IGSF21: variants seen among roughly 807,000 people sequenced by gnomAD.
IGSF21 encodes the protein immunoglobin superfamily member 21, also known as immunoglobulin superfamily member 21.
IGSF21 carries 28 observed loss-of-function variants against 46.8 expected under a neutral mutation model. The observed-to-expected ratio is 0.60, with a 90% CI of 0.44 to 0.82. The LOEUF (loss-of-function observed/expected upper bound fraction) is 0.82. Ranked by LOEUF, IGSF21 falls within the 40% of genes least tolerant of loss-of-function variation. The pLI, the probability that IGSF21 is intolerant of heterozygous loss-of-function variation, is 0.00. For synonymous variants in IGSF21, 284 were observed against 273.6 expected (o/e 1.04, Z -0.38); for missense variants, 624 against 665.5 (o/e 0.94, Z 0.69).
chr1:18,201,354 C>T (rs2087072547), intron 1 of IGSF21, among the ~76,000 whole-genome samples: 1 of 152,202 alleles, frequency 6.6e-6, no homozygotes. Flanking sequence ...GATTGTGGAA[C>T]TGAGACATGG....
intron 1 of IGSF21, among the ~76,000 whole-genome samples, chr1:18,147,712 G>A (rs559866392): frequency 6.6e-6 from 1 of 152,240 alleles, no homozygotes; most frequent in Admixed American, 6.5e-5. Flanking sequence ...ATGGTTCTAG[G>A]TTTGCATATA....
At chr1:18,241,355 T>C (rs1199171604) in intron 2 of IGSF21, among the ~76,000 whole-genome samples, 1 of 152,074 alleles carries the variant, frequency 6.6e-6, no homozygotes, top group Non-Finnish European at 1.5e-5. Context: ...TATGCACCCA[T>C]AAGTGAAGAT....
chr1:18,126,344 G>T (rs1255297965), intron 1 of IGSF21, among the ~76,000 whole-genome samples: 1 of 152,190 alleles, frequency 6.6e-6, no homozygotes, highest in Non-Finnish European at 1.5e-5. Context: ...GGCCATCTGG[G>T]CTGGGGGAGG....
chr1:18,303,726 T>C (rs1263051889), intron 3 of IGSF21, among the ~76,000 whole-genome samples: 1 of 152,228 alleles, frequency 6.6e-6, no homozygotes, highest in Non-Finnish European at 1.5e-5. Context: ...GACAGGTAAG[T>C]TCTCTGTCCC....
At chr1:18,371,401 G>A (rs1160292627) in intron 6 of IGSF21, among the ~76,000 whole-genome samples, 8 of 151,912 alleles carry the variant, frequency 5.3e-5, no homozygotes, top group African/African-American at 1.7e-4. Flanking sequence ...GTGAAACCTC[G>A]GCTCTACTGA....
intron 4 of IGSF21, among the ~76,000 whole-genome samples, chr1:18,344,925 G>C (rs550145925): frequency 6.6e-6 from 1 of 152,280 alleles, no homozygotes; most frequent in Admixed American, 6.5e-5. Flanking sequence ...TGCTCCACAG[G>C]GGAAGCGAGG....
intron 2 of IGSF21, among the ~76,000 whole-genome samples, chr1:18,263,427 G>C (rs2084964421): frequency 6.6e-6 from 1 of 151,840 alleles, no homozygotes; most frequent in African/African-American, 2.4e-5. Flanking sequence ...CAGTGTAACG[G>C]GTCCAGTTTT....
intron 1 of IGSF21, among the ~76,000 whole-genome samples, chr1:18,217,290 C>T (rs11260958): frequency 0.34 from 52,023 of 152,084 alleles, 9,379 homozygotes; most frequent in East Asian, 0.51. Flanking sequence ...CAGACATACC[C>T]GCTGCCCCCT....
chr1:18,322,729 C>T lies in IGSF21; in HGVS notation c.306-12163C>T, dbSNP rs180877122. On this transcript the variant is annotated intron_variant, in intron 3 of 9. Coordinates refer to ENST00000251296, the MANE Select transcript of IGSF21 (RefSeq NM_032880.5). This position sits in a 1 kb window ranked among gnomAD's most constrained non-coding sequence, Gnocchi z 4.3. ...CTCCCGCCCCTGCCCACCCCTGAACCCAGAGCCTGAGTCCAACAGGCTGAC... is the reference window on the plus strand; with the variant it reads ...CTCCCGCCCCTGCCCACCCCTGAACTCAGAGCCTGAGTCCAACAGGCTGAC... Among the ~76,000 whole-genome samples, 9 of 151,556 alleles carry T rather than the reference C, an allele frequency of 5.9e-5. No homozygotes were observed. The East Asian group carries it at 1.8e-3, about 30-fold the overall frequency.
intron 1 of IGSF21, among the ~76,000 whole-genome samples, chr1:18,141,387 A>G (rs2086414106): frequency 6.6e-6 from 1 of 152,226 alleles, no homozygotes; most frequent in Non-Finnish European, 1.5e-5. Context: ...AAGCAAGAGA[A>G]GCTGCAGTCA....
At chr1:18,197,109 G>A (rs539635324) in intron 1 of IGSF21, among the ~76,000 whole-genome samples, 19 of 152,358 alleles carry the variant, frequency 1.2e-4, no homozygotes, top group African/African-American at 3.4e-4. Context: ...CTGAAAGGAG[G>A]TGACGTGCTC....
chr1:18,359,338 AAAAGAAAGAAAG>A (rs1173594584), intron 4 of IGSF21, among the ~76,000 whole-genome samples: 354 of 35,306 alleles, frequency 0.01, 8 homozygotes, highest in Admixed American at 0.047. Context: ...AAGAGAAAGA[AAAAGAAAGAAAG>A]AAAGAAAGAA....
At chr1:18,213,501 G>C (rs1001164541) in intron 1 of IGSF21, among the ~76,000 whole-genome samples, 9 of 152,204 alleles carry the variant, frequency 5.9e-5, no homozygotes, top group African/African-American at 1.9e-4. Flanking sequence ...AATGGAGAGA[G>C]AGGGTGTGCA....
At chr1:18,178,947 C>T (rs79291157) in intron 1 of IGSF21, 30,815 of 152,096 alleles carry the variant, frequency 0.2, 3,987 homozygotes, top group Non-Finnish European at 0.3. Flanking sequence ...CAGAAGCCTC[C>T]GACAGCTGAG....
chr1:18,248,946 G>C (rs2084810589), intron 2 of IGSF21, among the ~76,000 whole-genome samples: 1 of 152,124 alleles, frequency 6.6e-6, no homozygotes, highest in African/African-American at 2.4e-5. Flanking sequence ...CTTCGCAGGG[G>C]AAGAAAAGTA....
chr1:18,144,576 C>T (rs1248604929), intron 1 of IGSF21, among the ~76,000 whole-genome samples: 1 of 152,142 alleles, frequency 6.6e-6, no homozygotes, highest in African/African-American at 2.4e-5. Flanking sequence ...GTCCTCCAGT[C>T]CCCTGAAGAT....
chr1:18,228,480 G>A (rs569821561), intron 2 of IGSF21, among the ~76,000 whole-genome samples: 2 of 152,280 alleles, frequency 1.3e-5, no homozygotes, highest in South Asian at 4.2e-4. Flanking sequence ...CCTGGTGTCT[G>A]GCACCATCTG....
chr1:18,116,390 C>A (rs2086190435), intron 1 of IGSF21, among the ~76,000 whole-genome samples: 2 of 152,220 alleles, frequency 1.3e-5, no homozygotes, highest in Admixed American at 1.3e-4. Context: ...CACTTCCTAA[C>A]AAAGTATCCT....
chr1:18,116,676 C>T (rs758256039), intron 1 of IGSF21, among the ~76,000 whole-genome samples: 2 of 152,188 alleles, frequency 1.3e-5, no homozygotes, highest in Admixed American at 6.5e-5. Flanking sequence ...AGAGACCTCT[C>T]GGGGAGTTTC....
Sources: allele counts gnomAD v4.1 joint callset (sites outside exome capture counted in the v4.1 genomes callset), GRCh38; gene constraint gnomAD v4.1.1; non-coding constraint Gnocchi (gnomAD v3.1); transcripts MANE v1.5; gene names NCBI Gene and HGNC (gene_info 2026-07-23, HGNC 2026-07-21).